Variants in PPP3R1 observed in about 807,000 individuals in gnomAD.
The protein encoded by PPP3R1 is protein phosphatase 3 regulatory subunit B, alpha.
In PPP3R1, 5 loss-of-function variants were observed where a neutral mutation model predicts 22.6. That is an observed-to-expected ratio of 0.22 (90% CI 0.12 to 0.46). The LOEUF is 0.46. Ranked by LOEUF, PPP3R1 falls within the 20% of genes least tolerant of loss-of-function variation. PPP3R1 has a pLI of 0.99. For synonymous variants in PPP3R1, 56 were observed against 65.2 expected, an observed-to-expected ratio of 0.86 and a Z score of 0.68; for missense variants, 61 against 203.2, an observed-to-expected ratio of 0.30 and a Z score of 4.25.
At chr2:68,205,279 G>A (rs976471365) in intron 2 of PPP3R1, among the ~76,000 whole-genome samples, 10 of 125,888 alleles carry the variant, frequency 7.9e-5, no homozygotes, top group African/African-American at 3.0e-4. Flanking sequence ...CGTTTCACTC[G>A]TTGCCCAGGC....
chr2:68,232,670 G>A (rs192248831), intron 1 of PPP3R1, among the ~76,000 whole-genome samples: 6 of 151,980 alleles, frequency 3.9e-5, no homozygotes, highest in South Asian at 2.1e-4. Context: ...GCAGTGGCAC[G>A]ATCTCAGCTC....
chr2:68,192,138 C>T (rs1177971706), intron 2 of PPP3R1, among the ~76,000 whole-genome samples: 1 of 152,168 alleles, frequency 6.6e-6, no homozygotes, highest in African/African-American at 2.4e-5. Flanking sequence ...AATCAGCAAA[C>T]CATTCAGAAC....
At chr2:68,216,911 G>T (rs888036537) in intron 2 of PPP3R1, among the ~76,000 whole-genome samples, 181 bp downstream of exon 2, 1 of 151,824 alleles carries the variant, frequency 6.6e-6, no homozygotes, top group African/African-American at 2.4e-5. Flanking sequence ...TCCTACTCTG[G>T]TAACATAAAT....
intron 1 of PPP3R1, among the ~76,000 whole-genome samples, chr2:68,222,523 G>A (rs2103779229): frequency 6.6e-6 from 1 of 152,324 alleles, no homozygotes; most frequent in South Asian, 2.1e-4. Flanking sequence ...AAAGGCAGAA[G>A]ATTGAATTAG....
At chr2:68,212,845 A>T (rs1669513051) in intron 2 of PPP3R1, among the ~76,000 whole-genome samples, 1 of 152,208 alleles carries the variant, frequency 6.6e-6, no homozygotes, top group South Asian at 2.1e-4. Flanking sequence ...CCAAGAGGAG[A>T]GTCAGTGCCA....
At chr2:68,193,768 G>A (rs930482005) in intron 2 of PPP3R1, among the ~76,000 whole-genome samples, 1 of 152,106 alleles carries the variant, frequency 6.6e-6, no homozygotes, top group South Asian at 2.1e-4. Flanking sequence ...ATTAGGAACA[G>A]ATCTCTAAAG....
chr2:68,206,265 G>A (rs1001928078), intron 2 of PPP3R1, among the ~76,000 whole-genome samples: 1 of 152,150 alleles, frequency 6.6e-6, no homozygotes, highest in African/African-American at 2.4e-5. Context: ...ACTTAACAAA[G>A]TAAGATCCTA....
At chr2:68,200,880 T>C (rs936507897) in intron 2 of PPP3R1, among the ~76,000 whole-genome samples, 15 of 152,216 alleles carry the variant, frequency 9.9e-5, no homozygotes, top group Non-Finnish European at 2.1e-4. Flanking sequence ...CTGTGTATTA[T>C]TGTTTTTCTC....
chr2:68,239,151 G>C (rs957541869), intron 1 of PPP3R1, among the ~76,000 whole-genome samples: 1 of 152,128 alleles, frequency 6.6e-6, no homozygotes, highest in Non-Finnish European at 1.5e-5. Flanking sequence ...CAGATAAATA[G>C]CCAATATGAG....
intron 3 of PPP3R1, 83 bp downstream of exon 3, chr2:68,188,431 C>CTTTTT: frequency 1.0e-6 from 1 of 957,888 alleles, no homozygotes; most frequent in Non-Finnish European, 1.4e-6. Flanking sequence ...AATATAAGCA[C>CTTTTT]TTTTTTTTTT....
intron 2 of PPP3R1, among the ~76,000 whole-genome samples, chr2:68,204,540 C>T (rs1300072452): frequency 3.3e-5 from 5 of 152,110 alleles, no homozygotes; most frequent in African/African-American, 1.2e-4. Context: ...ACTTCACCTG[C>T]TGTGTGACTT....
At chr2:68,186,714 T>G in intron 4 of PPP3R1, 62 bp from the exon 5 acceptor site, 1 of 1,372,502 alleles carries the variant, frequency 7.3e-7, no homozygotes. Context: ...ATGCTTTCAG[T>G]AAGAAAGAAA....
rs187546083 is a variant in PPP3R1, at chr2:68,180,583, A to T, written c.*380T>A. The T allele has an allele frequency of 1.3e-5, 2 of 153,360 alleles. No individual in the cohort carries two copies. The highest frequency in any genetic ancestry group is 2.9e-5 in the Non-Finnish European group (2 of 68,606). 9.5% of individuals were successfully genotyped at this position (153,360 alleles called of 1,614,324 possible). A position where few individuals can be genotyped will look rare whatever the true frequency, so the allele number is the denominator to read the frequency against. On this transcript the variant is annotated 3_prime_UTR_variant, in exon 6 of 6. Coordinates refer to ENST00000234310, the MANE Select transcript of PPP3R1 (RefSeq NM_000945.4). Reference sequence around the variant, plus strand: ...TTTTGTTTCTGAATCAAGTATATTAAATTAAAGCCAACCTACTACATATAT... The same window carrying T: ...TTTTGTTTCTGAATCAAGTATATTATATTAAAGCCAACCTACTACATATAT...
At chr2:68,241,862 AG>A (rs1228755503) in intron 1 of PPP3R1, among the ~76,000 whole-genome samples, 347 of 148,328 alleles carry the variant, frequency 2.3e-3, no homozygotes, top group Non-Finnish European at 3.8e-3. Context: ...AAAAAAAAAA[AG>A]ATTACTACCA....
chr2:68,186,509 T>C lies in PPP3R1; in HGVS notation c.424A>G (p.Lys142Glu), dbSNP rs1267247255. ...AAGGATATTCTTCCATCTCCATCCT[T>C]ATCTGCATTTATTATGGTTTTGTCT... The part of the protein sequence containing the change: ...IVDKTIINAD[K>E]DGDGRISFEE... The change falls in exon 5 of 6, where the codon AAG (lysine) becomes GAG (glutamate). Residue 142 changes from lysine to glutamate, a missense_variant. Physicochemically the swap from Lys to Glu is moderately conservative, Grantham distance 56 (BLOSUM62 1). Transcript: ENST00000234310. 6.2e-7 allele frequency: 1 copy of C among 1,613,518 alleles called. No individual in the cohort carries two copies. Among genetic ancestry groups the C allele is most frequent in the East Asian group, 2.2e-5 (1 of 44,820 alleles).
At chr2:68,187,349 C>T in intron 3 of PPP3R1, 35 bp from the exon 4 acceptor site, 1 of 1,553,466 alleles carries the variant, frequency 6.4e-7, no homozygotes, top group Non-Finnish European at 8.8e-7. Context: ...CAAATCAGAA[C>T]TTCCAATTTT....
chr2:68,207,025 T>C (rs6733029), intron 2 of PPP3R1, among the ~76,000 whole-genome samples: 64,883 of 150,898 alleles, frequency 0.43, 14,207 homozygotes, highest in South Asian at 0.62. Context: ...TGTCAAGGAC[T>C]GATTTCAACA....
At chr2:68,244,080 A>G (rs904168119) in intron 1 of PPP3R1, among the ~76,000 whole-genome samples, 2 of 151,996 alleles carry the variant, frequency 1.3e-5, no homozygotes, top group Admixed American at 6.6e-5. Context: ...AACTTTAGGG[A>G]AAAAAAATTA....
intron 2 of PPP3R1, among the ~76,000 whole-genome samples, chr2:68,208,608 T>C (rs1669385862): frequency 6.6e-6 from 1 of 152,204 alleles, no homozygotes; most frequent in African/African-American, 2.4e-5. Context: ...AATAGAAACA[T>C]ACATGCCCTC....
Sources: gnomAD v4.1 joint callset for allele counts (sites outside exome capture counted in the v4.1 genomes callset) on GRCh38, gnomAD v4.1.1 for gene constraint, MANE v1.5 for transcripts, NCBI Gene and HGNC (gene_info 2026-07-23, HGNC 2026-07-21) for gene names.